KLF12: variants seen among roughly 807,000 people sequenced by gnomAD.
The protein encoded by KLF12 is Krueppel-like factor 12.
KLF12 carries 9 observed loss-of-function variants against 37.8 expected under a neutral mutation model. The observed-to-expected ratio is 0.24, with a 90% CI of 0.14 to 0.42. The LOEUF is 0.42. Among genes scored for constraint, KLF12 ranks in the 10% least tolerant of loss-of-function variants. KLF12 has a pLI of 1.00. For missense variants in KLF12, 411 were observed against 516.0 expected (o/e 0.80, Z 1.97); for synonymous variants, 208 against 202.1 (o/e 1.03, Z -0.25).
At chr13:73,957,616 G>C (rs1448473287) in intron 2 of KLF12, among the ~76,000 whole-genome samples, 1 of 152,206 alleles carries the variant, frequency 6.6e-6, no homozygotes, top group Non-Finnish European at 1.5e-5. Context: ...GGCTGGATAA[G>C]ATCTTTAGAT....
At chr13:73,767,185 T>C (rs1166742061) in intron 5 of KLF12, among the ~76,000 whole-genome samples, 3 of 152,200 alleles carry the variant, frequency 2.0e-5, no homozygotes, top group African/African-American at 7.2e-5. Context: ...TATGGCATGT[T>C]TTTTTGAGCT....
the KLF12 span, among the ~76,000 whole-genome samples, chr13:74,255,718 G>C: frequency 6.6e-6 from 1 of 152,120 alleles, no homozygotes; most frequent in African/African-American, 2.4e-5. Flanking sequence ...GTTGTATATA[G>C]GAGAACTAAC....
the KLF12 span, among the ~76,000 whole-genome samples, chr13:74,251,726 G>A: frequency 6.6e-6 from 1 of 152,172 alleles, no homozygotes; most frequent in Non-Finnish European, 1.5e-5. Flanking sequence ...GAAGTTGCTT[G>A]CAAGAGAAAC....
the KLF12 span, among the ~76,000 whole-genome samples, chr13:74,297,074 TCA>T: frequency 6.6e-6 from 1 of 152,176 alleles, no homozygotes; most frequent in Non-Finnish European, 1.5e-5. Context: ...AGTCATTCAT[TCA>T]TTCATTCATC....
Position 73,886,263 on chromosome 13 carries a change from G to C in KLF12, c.124-39890C>G, listed in dbSNP as rs548716557. 2.0e-5 allele frequency among the ~76,000 whole-genome samples: 3 copies of C among 152,294 alleles called. No homozygotes were observed. In the East Asian group the frequency reaches 5.8e-4, roughly 29 times the overall value. ...TTAAATAGAAGAGCCAAACGGTTTC[G>C]TACATGAGCATGGAGTACAGATAAT... On this transcript the variant is annotated intron_variant, in intron 3 of 7. Coordinates refer to ENST00000377669, the MANE Select transcript of KLF12 (RefSeq NM_007249.5).
chr13:73,987,788 T>G (rs1593809178), intron 2 of KLF12, among the ~76,000 whole-genome samples: 2 of 86,016 alleles, frequency 2.3e-5, no homozygotes, highest in Non-Finnish European at 4.2e-5. Flanking sequence ...AGAGAAGAAG[T>G]GGGAGAGGAG....
the KLF12 span, among the ~76,000 whole-genome samples, chr13:74,229,244 T>C: frequency 2.0e-5 from 3 of 152,210 alleles, no homozygotes; most frequent in Non-Finnish European, 2.9e-5. Context: ...AGGGGGATAG[T>C]CGTTAGGAAT....
rs561406551 is a variant in KLF12 at position 74,061,043 on chromosome 13, C to T, written c.-31-65990G>A. Reference sequence around the variant, plus strand: ...TGTGGTCCAATACTTTCAACACAAACAAAAATGCAGCTATCGAATCAAGGC... The same window carrying T: ...TGTGGTCCAATACTTTCAACACAAATAAAAATGCAGCTATCGAATCAAGGC... On this transcript the variant is annotated intron_variant, in intron 1 of 7. Transcript: ENST00000377669. Among the ~76,000 whole-genome samples, 99 of 152,236 alleles carry T rather than the reference C, an allele frequency of 6.5e-4. 3 individuals carry two copies. In the South Asian group the frequency reaches 0.016, roughly 25 times the overall value.
Position 73,730,947 on chromosome 13 carries a change from T to C in KLF12, c.870-15422A>G, listed in dbSNP as rs540074150. On this transcript the variant is annotated intron_variant, in intron 6 of 7. Transcript: ENST00000377669. ...ATTTTGTTTTGTTCTGTTTCGTTTT[T>C]TTAGTTTTAGAAGGAAAATTCTGGC... 2.0e-5 allele frequency among the ~76,000 whole-genome samples: 3 copies of C among 152,240 alleles called. 1 individual carries two copies. The highest frequency in any genetic ancestry group is 6.5e-5 in the Admixed American group (1 of 15,282).
At chr13:74,249,439 G>T in the KLF12 span, among the ~76,000 whole-genome samples, 3 of 151,530 alleles carry the variant, frequency 2.0e-5, no homozygotes. Context: ...CTGGGCCCCG[G>T]TGCCTTGGGG....
chr13:74,300,538 G>A, the KLF12 span, among the ~76,000 whole-genome samples: 3 of 152,028 alleles, frequency 2.0e-5, no homozygotes, highest in East Asian at 1.9e-4. Flanking sequence ...ATCTGTCTCT[G>A]GGCTGGTTTC....
chr13:74,180,098 G>A, the KLF12 span, among the ~76,000 whole-genome samples: 306 of 152,314 alleles, frequency 2.0e-3, 3 homozygotes, highest in African/African-American at 7.1e-3. Context: ...TGTTTTAAGA[G>A]TTTTGATTAA....
At chr13:74,257,732 C>A in the KLF12 span, 4 of 152,158 alleles carry the variant, frequency 2.6e-5, no homozygotes, top group East Asian at 3.9e-4. Flanking sequence ...ATTTTGTGAA[C>A]CCAAATTAGT....
chr13:73,877,966 CCT>C (rs1435694472), intron 3 of KLF12, among the ~76,000 whole-genome samples: 9 of 152,064 alleles, frequency 5.9e-5, no homozygotes, highest in Non-Finnish European at 1.5e-5. Context: ...CATATAAACC[CCT>C]GACCCCCACA....
At chr13:73,768,689 T>G (rs1350467463) in intron 5 of KLF12, among the ~76,000 whole-genome samples, 15 of 152,190 alleles carry the variant, frequency 9.9e-5, no homozygotes, top group Admixed American at 9.8e-4. Flanking sequence ...CCCTTACTAT[T>G]TGCTTGGTAT....
intron 6 of KLF12, among the ~76,000 whole-genome samples, chr13:73,747,610 A>G (rs574112304): frequency 2.6e-5 from 4 of 152,310 alleles, no homozygotes; most frequent in African/African-American, 9.6e-5. Flanking sequence ...CCCTTGTAAT[A>G]ATAGTCAACA....
At chr13:74,221,117 G>A in the KLF12 span, among the ~76,000 whole-genome samples, 1 of 151,150 alleles carries the variant, frequency 6.6e-6, no homozygotes, top group African/African-American at 2.4e-5. Context: ...CCATTCTCCT[G>A]CCTCAGCCTG....
At chr13:74,034,196 G>A (rs1171680120) in intron 1 of KLF12, among the ~76,000 whole-genome samples, 1 of 152,070 alleles carries the variant, frequency 6.6e-6, no homozygotes, top group African/African-American at 2.4e-5. Context: ...CCAAGTAGCT[G>A]GGATTAGAGG....
At chr13:74,059,302 C>A (rs1873438200) in intron 1 of KLF12, among the ~76,000 whole-genome samples, 1 of 152,208 alleles carries the variant, frequency 6.6e-6, no homozygotes, top group Non-Finnish European at 1.5e-5. Context: ...AGACACCCAG[C>A]AGTGGGATTG....
Sources: gnomAD v4.1 joint callset for allele counts (sites outside exome capture counted in the v4.1 genomes callset) on GRCh38, gnomAD v4.1.1 for gene constraint, MANE v1.5 for transcripts, NCBI Gene and HGNC (gene_info 2026-07-23, HGNC 2026-07-21) for gene names.